SPRYD7: variants seen among roughly 807,000 people sequenced by gnomAD.
The protein encoded by SPRYD7 is SPRY domain containing 7, also known as SPRY domain-containing protein 7.
Under a neutral mutation model 23.8 loss-of-function variants are expected in SPRYD7, and 14 were observed. The ratio of observed to expected loss-of-function variants is 0.59; its 90% CI spans 0.39 to 0.92. The LOEUF (loss-of-function observed/expected upper bound fraction) is 0.92. Among genes scored for constraint, SPRYD7 ranks in the 40% least tolerant of loss-of-function variants. The pLI is 0.00. For missense variants in SPRYD7, 194 were observed against 241.7 expected, an observed-to-expected ratio of 0.80 and a Z score of 1.31; for synonymous variants, 75 against 84.9, an observed-to-expected ratio of 0.88 and a Z score of 0.64.
In SPRYD7 at chr13:49,936,155, G is replaced by T. The variant is rs145902169; in HGVS notation, c.81C>A (p.Ala27=). 7.8e-5 allele frequency: 126 copies of T among 1,606,886 alleles called. No homozygotes were observed. The African/African-American group carries it at 1.5e-3, about 20-fold the overall frequency. Residue 27 remains alanine, a synonymous_variant, in exon 1 of 5, where the codon GCC becomes GCA. Coordinates refer to ENST00000361840, the MANE Select transcript of SPRYD7 (RefSeq NM_020456.4). Reference sequence around the variant, plus strand: ...CCATGTGCTGCGTGTCCAGCTGCACGGCCGGCATCTCCTTCAGAGGGATGT... The same window carrying T: ...CCATGTGCTGCGTGTCCAGCTGCACTGCCGGCATCTCCTTCAGAGGGATGT... ...TGHIPLKEMP[A]VQLDTQHMGT... is the part of the protein sequence containing the mutation.
chr13:49,924,994 A>AAT (rs773189375), intron 3 of SPRYD7, among the ~76,000 whole-genome samples: 3,402 of 135,630 alleles, frequency 0.025, 99 homozygotes, highest in African/African-American at 0.072. Context: ...AAAAATAAAT[A>AAT]AATAATAATA....
intron 4 of SPRYD7, among the ~76,000 whole-genome samples, chr13:49,919,968 G>T (rs1396797743): frequency 6.6e-6 from 1 of 151,932 alleles, no homozygotes; most frequent in African/African-American, 2.4e-5. Flanking sequence ...AACCCGATTG[G>T]TTACAAGTTG....
intron 3 of SPRYD7, 82 bp from the exon 4 acceptor site, chr13:49,921,662 C>G (rs888051181): frequency 2.4e-6 from 2 of 846,550 alleles, no homozygotes; most frequent in Non-Finnish European, 4.0e-6. Context: ...ACACAAAAAG[C>G]TAAGCATAGG....
At chr13:49,933,784 T>TA (rs1474407141) in intron 1 of SPRYD7, among the ~76,000 whole-genome samples, 2 of 152,260 alleles carry the variant, frequency 1.3e-5, no homozygotes, top group Middle Eastern at 3.4e-3. Context: ...GAATGCCACA[T>TA]AAACATAGCC....
intron 1 of SPRYD7, among the ~76,000 whole-genome samples, chr13:49,933,001 T>TG (rs1871449918): frequency 6.6e-6 from 1 of 152,192 alleles, no homozygotes; most frequent in Admixed American, 6.5e-5. Context: ...GCAAAGACCA[T>TG]GCAGTGCTTG....
rs183785776 is a variant in SPRYD7, at chr13:49,927,315, C to T, written c.390+604G>A. On this transcript the variant is annotated intron_variant, in intron 3 of 4. Coordinates refer to ENST00000361840, the MANE Select transcript of SPRYD7 (RefSeq NM_020456.4). ...TTCGAGATCAGCCTGGCCAACATGG[C>T]GAAACCCCGTCTCTACTAAAAATAA... 1.5e-3 allele frequency among the ~76,000 whole-genome samples: 222 copies of T among 151,856 alleles called. 1 individual carries two copies. Among genetic ancestry groups the T allele is most frequent in the African/African-American group, 4.7e-3 (193 of 41,428 alleles).
intron 4 of SPRYD7, among the ~76,000 whole-genome samples, chr13:49,916,776 G>A (rs1955756824): frequency 1.3e-5 from 2 of 152,182 alleles, no homozygotes; most frequent in Non-Finnish European, 2.9e-5. Flanking sequence ...GGAGGCCCAT[G>A]ACATGAGATA....
intron 3 of SPRYD7, among the ~76,000 whole-genome samples, chr13:49,924,987 AAT>A (rs1955863988): frequency 1.6e-5 from 2 of 121,406 alleles, no homozygotes; most frequent in Admixed American, 9.9e-5. Flanking sequence ...AAAAAAAAAA[AAT>A]AAATAAATAA....
rs1955711776 is a variant in SPRYD7, at chr13:49,913,244, AC to A, written c.*1818del. 2 of 151,928 alleles carry A rather than the reference AC, an allele frequency of 1.3e-5. No homozygotes were observed. Among genetic ancestry groups the A allele is most frequent in the South Asian group, 2.1e-4 (1 of 4,812 alleles). 9.4% of individuals were successfully genotyped at this position (151,928 alleles called of 1,614,324 possible). The stretch of plus-strand genomic sequence containing the variant: ...AGACCAGCCTGGACAACATGGTGAA[AC>A]CCCATCTCTACTAAAAATACAAAAA... On this transcript the variant is annotated 3_prime_UTR_variant, in exon 5 of 5. Transcript: ENST00000361840.
intron 3 of SPRYD7, among the ~76,000 whole-genome samples, chr13:49,924,111 T>C (rs1039084513): frequency 2.6e-5 from 4 of 151,754 alleles, no homozygotes; most frequent in Non-Finnish European, 5.9e-5. Flanking sequence ...GCCTCCCGAG[T>C]AGCTGGGATT....
chr13:49,920,264 A>T lies in SPRYD7; in HGVS notation c.493+1214T>A, dbSNP rs191163366. 4.0e-5 allele frequency among the ~76,000 whole-genome samples: 6 copies of T among 151,850 alleles called. No homozygotes were observed. In the East Asian group the frequency reaches 9.7e-4, roughly 24 times the overall value. ...AGACTCTGTCGCAAAACAAAACAAA[A>T]CAAAACAAAACAAAACAAAAAAACA... is the stretch of plus-strand genomic sequence containing the variant. On this transcript the variant is annotated intron_variant, in intron 4 of 4. Coordinates refer to ENST00000361840, the MANE Select transcript of SPRYD7 (RefSeq NM_020456.4).
At chr13:49,917,293 C>T (rs1247756181) in intron 4 of SPRYD7, among the ~76,000 whole-genome samples, 5 of 152,032 alleles carry the variant, frequency 3.3e-5, no homozygotes, top group African/African-American at 9.7e-5. Flanking sequence ...TTAGTAGAGA[C>T]GGGGTTTCAC....
intron 4 of SPRYD7, among the ~76,000 whole-genome samples, chr13:49,915,789 C>T (rs1256162444): frequency 3.9e-5 from 6 of 152,156 alleles, no homozygotes; most frequent in Non-Finnish European, 7.3e-5. Flanking sequence ...CTGGAAACAA[C>T]CCTAATGTCC....
intron 3 of SPRYD7, among the ~76,000 whole-genome samples, chr13:49,924,792 G>A (rs1955860122): frequency 6.6e-6 from 1 of 151,094 alleles, no homozygotes; most frequent in East Asian, 2.0e-4. Flanking sequence ...TGGCCAAAAT[G>A]GTGAAACCCT....
At position 49,928,098 on chromosome 13, in the gene SPRYD7, C is replaced by T. The variant is rs1955904670; in HGVS notation, c.224-13G>A. On this transcript the variant is annotated splice_polypyrimidine_tract_variant and intron_variant, in intron 2 of 4. Transcript: ENST00000361840. ...ATACCCCAGATTCCTAAAAATATAA[C>T]AGTTTAAATGCCCTCAAAATCTGAA... 3.7e-6 allele frequency: 6 copies of T among 1,611,672 alleles called. No individual in the cohort carries two copies. The East Asian group carries it at 1.3e-4, about 36-fold the overall frequency.
chr13:49,933,945 T>C (rs1871496752), intron 1 of SPRYD7, among the ~76,000 whole-genome samples: 1 of 151,918 alleles, frequency 6.6e-6, no homozygotes, highest in Non-Finnish European at 1.5e-5. Flanking sequence ...AATTATGCCA[T>C]AGAAAATTCC....
chr13:49,935,424 G>C (rs1871580185), intron 1 of SPRYD7, among the ~76,000 whole-genome samples: 1 of 152,184 alleles, frequency 6.6e-6, no homozygotes, highest in African/African-American at 2.4e-5. Context: ...TGATGGGAGA[G>C]GAAGAATGTT....
intron 2 of SPRYD7, among the ~76,000 whole-genome samples, chr13:49,930,627 T>C (rs533402401): frequency 6.6e-6 from 1 of 152,172 alleles, no homozygotes; most frequent in African/African-American, 2.4e-5. Flanking sequence ...AGATTGACTT[T>C]AATCCTAAAA....
chr13:49,927,772 T>G, intron 3 of SPRYD7, 147 bp downstream of exon 3: 1 of 763,196 alleles, frequency 1.3e-6, no homozygotes, highest in Non-Finnish European at 2.1e-6. Flanking sequence ...CTACACCAAG[T>G]GCTCTCCTGG....
Sources: gnomAD v4.1 joint callset for allele counts (sites outside exome capture counted in the v4.1 genomes callset) on GRCh38, gnomAD v4.1.1 for gene constraint, MANE v1.5 for transcripts, NCBI Gene and HGNC (gene_info 2026-07-23, HGNC 2026-07-21) for gene names.